The following ACTN1 variants were observed in gnomAD, a reference collection of about 807,000 sequenced individuals.
The protein encoded by ACTN1 is alpha-actinin-1.
ACTN1 carries 30 observed loss-of-function variants against 119.6 expected under a neutral mutation model. That is an observed-to-expected ratio of 0.25 (90% confidence interval 0.19 to 0.34). The LOEUF (loss-of-function observed/expected upper bound fraction) is 0.34. ACTN1 is among the 10% of genes least tolerant of loss of function. ACTN1 has a pLI of 1.00. For synonymous variants in ACTN1, 429 were observed against 472.6 expected (o/e 0.91, Z 1.20); for missense variants, 764 against 1,223.4 (o/e 0.62, Z 5.60).
Position 68,925,711 on chromosome 14 carries a change from G to A in ACTN1, c.106-39C>T. Reference sequence around the variant, plus strand: ...AGAAGGGCAAGTGGTCAGGGGGCTGGTGTTGTCACCCTCATTGGACAAGCC... The same window carrying A: ...AGAAGGGCAAGTGGTCAGGGGGCTGATGTTGTCACCCTCATTGGACAAGCC... On this transcript the variant is annotated intron_variant, in intron 1 of 21. Transcript: ENST00000394419. The surrounding 1 kb of genome is among the most constrained non-coding windows in gnomAD (Gnocchi z 4.3). 6.5e-7 allele frequency: 1 copy of A among 1,548,926 alleles called. No individual in the cohort carries two copies. Among genetic ancestry groups the A allele is most frequent in the Non-Finnish European group, 8.9e-7 (1 of 1,127,230 alleles).
At chr14:68,943,889 G>A (rs1439956529) in intron 1 of ACTN1, among the ~76,000 whole-genome samples, 1 of 152,186 alleles carries the variant, frequency 6.6e-6, no homozygotes, top group East Asian at 1.9e-4. Flanking sequence ...CACTCTGCTG[G>A]GAGGCTAAAC....
intron 16 of ACTN1, 144 bp from the exon 17 acceptor site, chr14:68,881,133 TAGTA>T (rs2031470273): frequency 1.4e-6 from 1 of 704,438 alleles, no homozygotes; most frequent in African/African-American, 1.8e-5. Context: ...CACTGGTAAT[TAGTA>T]AGACACTTTT....
chr14:68,919,415 A>G (rs992580342), intron 3 of ACTN1, among the ~76,000 whole-genome samples: 2 of 152,228 alleles, frequency 1.3e-5, no homozygotes, highest in Non-Finnish European at 2.9e-5. Flanking sequence ...ACGCCTGCTT[A>G]GTTATAACTT....
At position 68,979,194 on chromosome 14, in the gene ACTN1, T is replaced by A; in HGVS notation, c.-138A>T. On this transcript the variant is annotated 5_prime_UTR_variant, in exon 1 of 22. Coordinates refer to ENST00000394419, the MANE Select transcript of ACTN1 (RefSeq NM_001130004.2). ...CCGGGCTCGCTCCCCTGCGCCCGGT[T>A]CCGCCGCGGCGCTGCTGGCGAAGGC... 2.1e-6 allele frequency: 1 copy of A among 468,636 alleles called. No individual in the cohort carries two copies. Among genetic ancestry groups the A allele is most frequent in the Non-Finnish European group, 3.6e-6 (1 of 276,374 alleles). The allele number at this position is 468,636 out of a possible 1,614,324, so 29.0% of individuals were successfully genotyped here.
chr14:68,942,892 A>C (rs1342351019), intron 1 of ACTN1, among the ~76,000 whole-genome samples: 1 of 152,186 alleles, frequency 6.6e-6, no homozygotes, highest in Non-Finnish European at 1.5e-5. Context: ...AGGAGATTGT[A>C]GGATAAAATG....
chr14:68,898,351 C>T (rs2033024742), intron 8 of ACTN1, among the ~76,000 whole-genome samples: 1 of 152,210 alleles, frequency 6.6e-6, no homozygotes. Flanking sequence ...AGCAGTTGGT[C>T]CTCATCTAAT....
rs183093397 is a variant in ACTN1, at chr14:68,881,111, T to A, written c.1954-122A>T. The A allele has an allele frequency of 1.3e-3, 1,171 of 925,934 alleles. 1 individual carries two copies. The highest frequency in any genetic ancestry group is 1.7e-3 in the Non-Finnish European group (1,052 of 620,232). 57.4% of individuals were successfully genotyped at this position (925,934 alleles called of 1,614,324 possible). On this transcript the variant is annotated intron_variant, in intron 16 of 21. Transcript: ENST00000394419. ...TGATTCTCAGTTCCCATCCCAGCCC[T>A]AAGGAGGCCATCACTGGTAATTAGT...
At position 68,879,963 on chromosome 14, in the gene ACTN1, C is replaced by T. The variant is rs757704267; in HGVS notation, c.2279G>A (p.Arg760Gln). The change falls in exon 18 of 22, where the codon CGG becomes CAG. Residue 760 changes from arginine to glutamine, a missense_variant and splice_region_variant. Coordinates refer to ENST00000394419, the MANE Select transcript of ACTN1 (RefSeq NM_001130004.2). The surrounding 1 kb of genome is among the most constrained non-coding windows in gnomAD (Gnocchi z 4.9). ...GAAAGCACAGGATGGGGCTCTCACC[C>T]GGTCAAAGTGGTTGAAGGAGGCCCG... is the stretch of plus-strand genomic sequence containing the variant. ...EFRASFNHFD[R>Q]DHSGTLGPEE... 2.5e-6 allele frequency: 4 copies of T among 1,614,002 alleles called. No individual in the cohort carries two copies. The highest frequency in any genetic ancestry group is 3.4e-6 in the Non-Finnish European group (4 of 1,179,876).
intron 1 of ACTN1, among the ~76,000 whole-genome samples, chr14:68,956,420 G>C (rs2036353341): frequency 6.6e-6 from 1 of 152,188 alleles, no homozygotes. Flanking sequence ...ATCCTTCATA[G>C]GGTTATCTAG....
rs769516904 is a variant in ACTN1 at position 68,892,053 on chromosome 14, C to T, written c.1086G>A (p.Ser362=). 4 of 1,613,280 alleles carry T rather than the reference C, an allele frequency of 2.5e-6. No individual in the cohort carries two copies. Among genetic ancestry groups the T allele is most frequent in the Non-Finnish European group, 3.4e-6 (4 of 1,179,874 alleles). ...GCCCAGGCTCACCCCCAGTGCTCACCGAGACCATCCTGCCCTCAGAGGGCA... is the reference window on the plus strand; with the variant it reads ...GCCCAGGCTCACCCCCAGTGCTCACTGAGACCATCCTGCCCTCAGAGGGCA... The part of the protein sequence containing the change: ...AFMPSEGRMV[S]DINNAWGCLE... The change falls in exon 10 of 22, where the codon TCG becomes TCA. Residue 362 remains serine (S), a splice_region_variant and synonymous_variant. Coordinates refer to ENST00000394419, the MANE Select transcript of ACTN1 (RefSeq NM_001130004.2).
chr14:68,885,942 G>A lies in ACTN1; in HGVS notation c.1235-367C>T, dbSNP rs2031968695. ...AACCCAAGCACCTCAGGAGTACCCT[G>A]CCTTTAGAATGTCCCCAGTTACCGT... On this transcript the variant is annotated intron_variant, in intron 11 of 21. Coordinates refer to ENST00000394419, the MANE Select transcript of ACTN1 (RefSeq NM_001130004.2). This position sits in a 1 kb window ranked among gnomAD's most constrained non-coding sequence, Gnocchi z 5.6. 2 of 191,350 alleles carry A rather than the reference G, an allele frequency of 1.0e-5. No individual in the cohort carries two copies. The highest frequency in any genetic ancestry group is 2.2e-5 in the Non-Finnish European group (2 of 90,602). 11.9% of individuals were successfully genotyped at this position (191,350 alleles called of 1,614,324 possible). A position where few individuals can be genotyped will look rare whatever the true frequency, so the allele number is the denominator to read the frequency against.
intron 2 of ACTN1, among the ~76,000 whole-genome samples, chr14:68,924,463 T>G (rs1304773750): frequency 6.6e-6 from 1 of 152,158 alleles, no homozygotes; most frequent in Non-Finnish European, 1.5e-5. Flanking sequence ...GATACCTTTT[T>G]GGGAATAGTT....
At chr14:68,907,433 G>A (rs1040783754) in intron 6 of ACTN1, among the ~76,000 whole-genome samples, 2 of 150,286 alleles carry the variant, frequency 1.3e-5, no homozygotes, top group South Asian at 2.1e-4. Context: ...GCGTGCTGGC[G>A]TGCGCCTGTA....
At chr14:68,881,822 C>T (rs775047530) in intron 16 of ACTN1, among the ~76,000 whole-genome samples, 1 of 151,866 alleles carries the variant, frequency 6.6e-6, no homozygotes, top group Non-Finnish European at 1.5e-5. Context: ...AGGCTCATTG[C>T]TCAGGAGGAG....
At chr14:68,957,205 T>C (rs1193905729) in intron 1 of ACTN1, among the ~76,000 whole-genome samples, 1 of 152,188 alleles carries the variant, frequency 6.6e-6, no homozygotes, top group Non-Finnish European at 1.5e-5. Flanking sequence ...AGCATCTATC[T>C]TGAAGGCACA....
intron 2 of ACTN1, among the ~76,000 whole-genome samples, chr14:68,924,476 T>C (rs2034818838): frequency 6.6e-6 from 1 of 152,136 alleles, no homozygotes; most frequent in Non-Finnish European, 1.5e-5. Context: ...GAATAGTTAG[T>C]TGAAAACAAA....
chr14:68,877,079 CA>C lies in ACTN1; in HGVS notation c.2586+2del. The C allele has an allele frequency of 6.2e-7, 1 of 1,613,978 alleles. No homozygotes were observed. Among genetic ancestry groups the C allele is most frequent in the Non-Finnish European group, 8.5e-7 (1 of 1,179,934 alleles). On this transcript the variant is annotated splice_donor_variant, in intron 21 of 21. Coordinates refer to ENST00000394419, the MANE Select transcript of ACTN1 (RefSeq NM_001130004.2). LOFTEE classifies it high-confidence loss of function. Reference sequence around the variant, plus strand: ...GCACAGTGCCCACCCATAGGACACCCACCTTGTCCCCAGCCAGGATCTTGAA... The same window carrying C: ...GCACAGTGCCCACCCATAGGACACCCCCTTGTCCCCAGCCAGGATCTTGAA...
intron 2 of ACTN1, 71 bp from the exon 3 acceptor site, chr14:68,921,196 C>T (rs892203264): frequency 1.0e-5 from 16 of 1,572,024 alleles, no homozygotes; most frequent in Non-Finnish European, 1.2e-5. Flanking sequence ...ACTACCACTA[C>T]ACCCTCATCC....
chr14:68,904,645 C>T lies in ACTN1; in HGVS notation c.676+10G>A, dbSNP rs1365627360. On this transcript the variant is annotated intron_variant, in intron 7 of 21. Transcript: ENST00000394419. ...ATGGGCAAGAGACACAGAAGGAAAG[C>T]GCCTTTCACCTTCGGCATCCAGCAT... 29 of 1,613,092 alleles carry T rather than the reference C, an allele frequency of 1.8e-5. No homozygotes were observed. Among genetic ancestry groups the T allele is most frequent in the African/African-American group, 2.7e-5 (2 of 74,906 alleles).
Sources: gnomAD v4.1 joint callset for allele counts (sites outside exome capture counted in the v4.1 genomes callset) on GRCh38, gnomAD v4.1.1 for gene constraint, Gnocchi (gnomAD v3.1) non-coding constraint, MANE v1.5 for transcripts, NCBI Gene and HGNC (gene_info 2026-07-23, HGNC 2026-07-21) for gene names.